The following NUP93 variants were observed in gnomAD, a reference collection of about 807,000 sequenced individuals.
The protein encoded by NUP93 is nucleoporin 93, also known as nuclear pore complex protein Nup93.
A neutral mutation model predicts 107.8 loss-of-function variants in NUP93; 55 were observed. That is an observed-to-expected ratio of 0.51 (90% CI 0.41 to 0.64). The LOEUF is 0.64. Among genes scored for constraint, NUP93 ranks in the 30% least tolerant of loss-of-function variants. The pLI is 0.00. For synonymous variants in NUP93, 390 were observed against 397.5 expected, an observed-to-expected ratio of 0.98 and a Z score of 0.22; for missense variants, 937 against 1,044.7, an observed-to-expected ratio of 0.90 and a Z score of 1.42.
chr16:56,770,292 T>G (rs374914974), intron 3 of NUP93, among the ~76,000 whole-genome samples: 22 of 152,270 alleles, frequency 1.4e-4, no homozygotes, highest in Middle Eastern at 3.4e-3. Flanking sequence ...GTGTCCTGTT[T>G]ATGGAGAGAG....
intron 1 of NUP93, among the ~76,000 whole-genome samples, chr16:56,737,806 A>G (rs1224735183): frequency 6.6e-6 from 1 of 152,230 alleles, no homozygotes; most frequent in Non-Finnish European, 1.5e-5. Flanking sequence ...TTAAAATTAT[A>G]ATGGTAGGGA....
intron 3 of NUP93, among the ~76,000 whole-genome samples, chr16:56,759,903 A>G (rs576868872): frequency 1.3e-5 from 2 of 152,066 alleles, no homozygotes; most frequent in South Asian, 4.1e-4. Flanking sequence ...TGTTTTTTAC[A>G]TTTTCTTTGA....
At chr16:56,818,151 A>G (rs1963471828) in intron 5 of NUP93, among the ~76,000 whole-genome samples, 1 of 152,176 alleles carries the variant, frequency 6.6e-6, no homozygotes. Flanking sequence ...CCCTGGTCTC[A>G]CATCTTCAGA....
chr16:56,829,142 A>C (rs1181540493), intron 9 of NUP93, 33 bp downstream of exon 9: 1 of 1,602,940 alleles, frequency 6.2e-7, no homozygotes, highest in East Asian at 2.2e-5. Flanking sequence ...GATCAGTTAC[A>C]CCCCCAGAGC....
intron 2 of NUP93, among the ~76,000 whole-genome samples, chr16:56,749,723 G>T (rs1194460942): frequency 1.3e-5 from 2 of 152,198 alleles, no homozygotes; most frequent in African/African-American, 4.8e-5. Flanking sequence ...AGTCAGTAAG[G>T]ATGTTGTGGA....
intron 3 of NUP93, among the ~76,000 whole-genome samples, chr16:56,762,327 A>C (rs1962141686): frequency 6.6e-6 from 1 of 152,244 alleles, no homozygotes; most frequent in Non-Finnish European, 1.5e-5. Context: ...TATTTCAAGA[A>C]GTCTGTGCAG....
chr16:56,741,977 C>T lies in NUP93; in HGVS notation c.-14-6257C>T, dbSNP rs549329426. Among the ~76,000 whole-genome samples, 3 of 152,278 alleles carry T rather than the reference C, an allele frequency of 2.0e-5. No homozygotes were observed. In the East Asian group the frequency reaches 5.8e-4, roughly 29 times the overall value. On this transcript the variant is annotated intron_variant, in intron 1 of 21. Transcript: ENST00000308159. ...TGGAAGAAAAGACAGATGGCTTTGT[C>T]TTTATTCTTTCATCTTTTTCTCAGC...
At chr16:56,790,578 G>A (rs1473577463) in intron 3 of NUP93, among the ~76,000 whole-genome samples, 3 of 152,124 alleles carry the variant, frequency 2.0e-5, no homozygotes, top group Non-Finnish European at 2.9e-5. Context: ...TTCTCCATAA[G>A]TAGTTTTTTA....
rs761537991 is a variant in NUP93, at chr16:56,834,117, C to T, written c.1538-11C>T. On this transcript the variant is annotated splice_polypyrimidine_tract_variant and intron_variant, in intron 13 of 21. Transcript: ENST00000308159. ...GTGTGGTTGTGACCCATTCTGACCC[C>T]CACAATGCAGTCAGCCACGAGCCTG... The T allele has an allele frequency of 6.2e-7, 1 of 1,614,006 alleles. No homozygotes were observed. Among genetic ancestry groups the T allele is most frequent in the South Asian group, 1.1e-5 (1 of 91,076 alleles).
intron 3 of NUP93, among the ~76,000 whole-genome samples, chr16:56,779,784 G>A (rs1962479434): frequency 6.6e-6 from 1 of 152,090 alleles, no homozygotes; most frequent in South Asian, 2.1e-4. Context: ...ATACTAAAGA[G>A]GAAAAACGTC....
intron 16 of NUP93, among the ~76,000 whole-genome samples, 182 bp from the exon 17 acceptor site, chr16:56,836,419 G>A (rs1963912154): frequency 6.6e-6 from 1 of 152,142 alleles, no homozygotes; most frequent in South Asian, 2.1e-4. Context: ...CTCTTTTATA[G>A]TTTTAATAGG....
At chr16:56,806,762 A>T (rs1055324592) in intron 5 of NUP93, among the ~76,000 whole-genome samples, 1 of 152,196 alleles carries the variant, frequency 6.6e-6, no homozygotes, top group Non-Finnish European at 1.5e-5. Flanking sequence ...TCATCTTTCT[A>T]TAACTTAAAA....
rs1347534842 is a variant in NUP93, at chr16:56,834,623, T to C, written c.1738-111T>C. On this transcript the variant is annotated intron_variant, in intron 15 of 21. Transcript: ENST00000308159. ...CAGTCACACTGATTTTTAGTTTGCC[T>C]AAGACTTATCCCATTCATCCCATTT... The C allele has an allele frequency of 2.6e-6, 3 of 1,157,788 alleles. No individual in the cohort carries two copies. The African/African-American group carries it at 4.7e-5, about 18-fold the overall frequency. 71.7% of individuals were successfully genotyped at this position (1,157,788 alleles called of 1,614,324 possible). A position where few individuals can be genotyped will look rare whatever the true frequency, so the allele number is the denominator to read the frequency against.
chr16:56,827,044 C>CAAAA lies in NUP93; in HGVS notation c.795-1911_795-1908dup, dbSNP rs1188027635. On this transcript the variant is annotated intron_variant, in intron 8 of 21. Coordinates refer to ENST00000308159, the MANE Select transcript of NUP93 (RefSeq NM_014669.5). Reference sequence around the variant, plus strand: ...CTGGGGATGGAATGAGACTCCGTCTCAAAAAAAAAAAAAAAAAAAAAAAAA... The same window carrying CAAAA: ...CTGGGGATGGAATGAGACTCCGTCTCAAAAAAAAAAAAAAAAAAAAAAAAAAAAA... Among the ~76,000 whole-genome samples the CAAAA allele has an allele frequency of 1.8e-3, 97 of 53,604 alleles. 10 individuals are homozygous for CAAAA. Among genetic ancestry groups the CAAAA allele is most frequent in the African/African-American group, 4.1e-3 (58 of 14,302 alleles). 35.2% of individuals were successfully genotyped at this position (53,604 alleles called of 152,430 possible). A position where few individuals can be genotyped will look rare whatever the true frequency, so the allele number is the denominator to read the frequency against.
intron 3 of NUP93, among the ~76,000 whole-genome samples, chr16:56,777,021 CGTGTGTGTGTGTGCACGCACGTGT>C (rs1262648789): frequency 2.0e-5 from 3 of 151,734 alleles, no homozygotes; most frequent in East Asian, 1.9e-4. Flanking sequence ...AGAGAGTGAG[CGTGTGTGTGTGTGCACGCACGTGT>C]GTGTGTGTGA....
chr16:56,823,805 C>T lies in NUP93; in HGVS notation c.753C>T (p.Arg251=), dbSNP rs1747338186. The change falls in exon 8 of 22, where the codon CGC becomes CGT. Residue 251 remains arginine (R), a synonymous_variant. Transcript: ENST00000308159. ...AGAACCGCAGCAGCGTGGAAGTGCG[C>T]ATGGAGTTTGTCAGGCAGGCCTTGG... is the stretch of plus-strand genomic sequence containing the variant. ...ALKNRSSVEV[R]MEFVRQALAY... The T allele has an allele frequency of 6.2e-7, 1 of 1,614,142 alleles. No homozygotes were observed. Among genetic ancestry groups the T allele is most frequent in the African/African-American group, 1.3e-5 (1 of 75,044 alleles).
intron 3 of NUP93, among the ~76,000 whole-genome samples, chr16:56,760,911 T>C (rs1228837603): frequency 1.3e-5 from 2 of 151,854 alleles, no homozygotes; most frequent in Admixed American, 1.3e-4. Flanking sequence ...GTCCCTCCTG[T>C]GTGCACCACT....
chr16:56,813,332 G>GTT (rs1567401414), intron 5 of NUP93, among the ~76,000 whole-genome samples: 1 of 152,154 alleles, frequency 6.6e-6, no homozygotes, highest in Admixed American at 6.5e-5. Context: ...ACATAACAGT[G>GTT]TTTTACAATA....
In NUP93 at chr16:56,846,838, TA is replaced by T. The variant is rs760183475; in HGVS notation, c.*2232del. 6.6e-6 allele frequency: 1 copy of T among 152,246 alleles called. No homozygotes were observed. The highest frequency in any genetic ancestry group is 6.5e-5 in the Admixed American group (1 of 15,284). 9.4% of individuals were successfully genotyped at this position (152,246 alleles called of 1,614,324 possible). A position where few individuals can be genotyped will look rare whatever the true frequency, so the allele number is the denominator to read the frequency against. ...CACAAATGAGAAGGCTCAAGTTGTTTAAATACATGTTTGCTCCTGGCTTACC... is the reference window on the plus strand; with the variant it reads ...CACAAATGAGAAGGCTCAAGTTGTTTAATACATGTTTGCTCCTGGCTTACC... On this transcript the variant is annotated 3_prime_UTR_variant, in exon 22 of 22. Coordinates refer to ENST00000308159, the MANE Select transcript of NUP93 (RefSeq NM_014669.5).
Sources: gnomAD v4.1 joint callset for allele counts (sites outside exome capture counted in the v4.1 genomes callset) on GRCh38, gnomAD v4.1.1 for gene constraint, MANE v1.5 for transcripts, NCBI Gene and HGNC (gene_info 2026-07-23, HGNC 2026-07-21) for gene names.